The following FRMPD4 variants were observed in gnomAD, a reference collection of about 807,000 sequenced individuals.
The protein encoded by FRMPD4 is FERM and PDZ domain-containing protein 4.
FRMPD4 carries 22 observed loss-of-function variants against 94.1 expected under a neutral mutation model. The ratio of observed to expected loss-of-function variants is 0.23; its 90% CI spans 0.17 to 0.33. FRMPD4 has a LOEUF of 0.33. Ranked by LOEUF, FRMPD4 falls within the 10% of genes least tolerant of loss-of-function variation. FRMPD4 has a pLI of 1.00. For missense variants in FRMPD4, 1,111 were observed against 1,339.9 expected (o/e 0.83, Z 2.67); for synonymous variants, 631 against 548.6 (o/e 1.15, Z -2.10).
intron 3 of FRMPD4, among the ~76,000 whole-genome samples, chrX:11,967,756 GT>G (rs11431796): frequency 0.02 from 1,327 of 65,535 alleles, 35 homozygotes; most frequent in African/African-American, 0.058. Context: ...GTGTGTGTGT[GT>G]TTTTTTTTTT....
At chrX:12,122,166 G>A (rs2055460212) in intron 3 of FRMPD4, among the ~76,000 whole-genome samples, 1 of 111,970 alleles carries the variant, frequency 8.9e-6, no homozygotes, top group Admixed American at 9.5e-5. Flanking sequence ...AGGTTCTGTG[G>A]CATTACCAAC....
chrX:11,964,162 G>T (rs866280546), intron 3 of FRMPD4, among the ~76,000 whole-genome samples: 126 of 108,402 alleles, frequency 1.2e-3, no homozygotes, highest in African/African-American at 4.1e-3. Context: ...TTTTGTTGTT[G>T]TTGTTGTTGT....
chrX:12,683,831 A>C (rs1455347358), intron 6 of FRMPD4, among the ~76,000 whole-genome samples: 2 of 112,358 alleles, frequency 1.8e-5, no homozygotes, highest in Non-Finnish European at 3.8e-5. Context: ...TCAGTGTCAG[A>C]GACATCACTA....
chrX:12,023,205 C>G (rs190080324), intron 3 of FRMPD4, among the ~76,000 whole-genome samples: 300 of 111,600 alleles, frequency 2.7e-3, no homozygotes, highest in Non-Finnish European at 5.1e-3. Flanking sequence ...AAGACACTCA[C>G]CAGACTCCCA....
intron 3 of FRMPD4, among the ~76,000 whole-genome samples, chrX:11,916,871 C>T (rs1478291511): frequency 9.0e-6 from 1 of 111,565 alleles, no homozygotes. Context: ...CCCCTCCCCT[C>T]CTACTAAAAT....
chrX:11,986,136 T>G (rs1326426370), intron 3 of FRMPD4, among the ~76,000 whole-genome samples: 1 of 112,343 alleles, frequency 8.9e-6, no homozygotes, highest in Non-Finnish European at 1.9e-5. Flanking sequence ...ACAGTCCCAG[T>G]GTTGATGGCC....
chrX:11,845,634 A>G (rs1275475610), intron 1 of FRMPD4, among the ~76,000 whole-genome samples: 2 of 109,548 alleles, frequency 1.8e-5, no homozygotes, highest in Non-Finnish European at 3.8e-5. Context: ...TCCTCAATAA[A>G]ATACTGGCAA....
intron 1 of FRMPD4, among the ~76,000 whole-genome samples, chrX:12,256,409 A>C (rs1416575186): frequency 8.9e-6 from 1 of 112,168 alleles, no homozygotes; most frequent in South Asian, 3.7e-4. Context: ...AAAACTAGTT[A>C]GGTCTATGAG....
chrX:11,877,804 CCT>C (rs1187496076), intron 2 of FRMPD4, among the ~76,000 whole-genome samples: 3 of 111,621 alleles, frequency 2.7e-5, no homozygotes, highest in Admixed American at 9.5e-5. Flanking sequence ...TCCTCTCCTT[CCT>C]CTCTCTCTCT....
intron 5 of FRMPD4, among the ~76,000 whole-genome samples, chrX:12,680,194 G>C: frequency 8.9e-6 from 1 of 111,995 alleles, no homozygotes; most frequent in East Asian, 2.8e-4. Flanking sequence ...CTTAGCAACA[G>C]CAAATTTGGA....
At chrX:12,065,214 G>A (rs1286889660) in intron 3 of FRMPD4, among the ~76,000 whole-genome samples, 1 of 112,042 alleles carries the variant, frequency 8.9e-6, no homozygotes, top group Non-Finnish European at 1.9e-5. Flanking sequence ...ACAGATTTCT[G>A]TATGAGCTCC....
intron 3 of FRMPD4, among the ~76,000 whole-genome samples, chrX:11,964,966 T>C (rs950566541): frequency 4.4e-5 from 5 of 112,843 alleles, no homozygotes; most frequent in African/African-American, 1.6e-4. Context: ...TCAAAGCCAG[T>C]GATAGCGGGC....
intron 3 of FRMPD4, among the ~76,000 whole-genome samples, chrX:12,034,336 A>C (rs1222622724): frequency 8.9e-6 from 1 of 111,953 alleles, no homozygotes; most frequent in Non-Finnish European, 1.9e-5. Context: ...AGATGATTGT[A>C]AGCAAGATCA....
chrX:12,004,238 C>T (rs1309618868), intron 3 of FRMPD4, among the ~76,000 whole-genome samples: 1 of 112,137 alleles, frequency 8.9e-6, no homozygotes, highest in African/African-American at 3.2e-5. Flanking sequence ...CAAGGTCTGC[C>T]ATTCTGATTC....
chrX:12,182,088 C>T (rs1255899021), intron 1 of FRMPD4, among the ~76,000 whole-genome samples: 1 of 111,440 alleles, frequency 9.0e-6, no homozygotes, highest in African/African-American at 3.3e-5. Flanking sequence ...GTAGTCAGCT[C>T]TACTGAAACC....
At chrX:11,888,815 A>G (rs1412907376) in intron 3 of FRMPD4, among the ~76,000 whole-genome samples, 2 of 112,739 alleles carry the variant, frequency 1.8e-5, no homozygotes, top group African/African-American at 6.4e-5. Flanking sequence ...ATTGCTAAAA[A>G]CAAATGCTAA....
intron 3 of FRMPD4, among the ~76,000 whole-genome samples, chrX:11,903,729 T>TG (rs1185100635): frequency 8.9e-6 from 1 of 112,368 alleles, no homozygotes; most frequent in Non-Finnish European, 1.9e-5. Context: ...TTTTAAAAAA[T>TG]GACTTATTTT....
At chrX:12,244,325 G>A (rs1331494463) in intron 1 of FRMPD4, among the ~76,000 whole-genome samples, 1 of 111,269 alleles carries the variant, frequency 9.0e-6, no homozygotes. Context: ...CTCAGGGCTG[G>A]AAGAGACAAA....
intron 3 of FRMPD4, among the ~76,000 whole-genome samples, chrX:12,016,568 T>C (rs187227722): frequency 1.2e-4 from 13 of 112,132 alleles, no homozygotes; most frequent in African/African-American, 3.9e-4. Flanking sequence ...CCTTGAGAGT[T>C]ATACCTCTTG....
Sources: gnomAD v4.1 joint callset for allele counts (sites outside exome capture counted in the v4.1 genomes callset) on GRCh38, gnomAD v4.1.1 for gene constraint, MANE v1.5 for transcripts, NCBI Gene and HGNC (gene_info 2026-07-23, HGNC 2026-07-21) for gene names.